Variants in NOL4 observed in about 807,000 individuals in gnomAD.
The protein encoded by NOL4 is nucleolar protein 4.
A neutral mutation model predicts 75.9 loss-of-function variants in NOL4; 17 were observed. The ratio of observed to expected loss-of-function variants is 0.22; its 90% CI spans 0.15 to 0.34. NOL4 has a LOEUF of 0.34. NOL4 is among the 10% of genes least tolerant of loss of function. The pLI is 1.00. For missense variants in NOL4, 614 were observed against 793.5 expected (o/e 0.77, Z 2.72); for synonymous variants, 292 against 289.9 (o/e 1.01, Z -0.07).
At chr18:34,078,458 C>T (rs866375851) in intron 5 of NOL4, among the ~76,000 whole-genome samples, 82 of 152,164 alleles carry the variant, frequency 5.4e-4, no homozygotes, top group African/African-American at 1.9e-3. Context: ...AAAATTACCT[C>T]CATAGGACAA....
chr18:33,926,368 A>C (rs974537846), intron 9 of NOL4, among the ~76,000 whole-genome samples: 3 of 150,458 alleles, frequency 2.0e-5, no homozygotes, highest in African/African-American at 7.3e-5. Flanking sequence ...CAAAAAAAAA[A>C]AAAAAAAAAA....
intron 8 of NOL4, among the ~76,000 whole-genome samples, chr18:33,954,433 T>A (rs1157750918): frequency 3.3e-5 from 5 of 152,094 alleles, no homozygotes; most frequent in African/African-American, 4.8e-5. Flanking sequence ...GTAATAGGTA[T>A]AATCTGTGAG....
intron 6 of NOL4, among the ~76,000 whole-genome samples, chr18:34,004,813 C>G (rs1363714641): frequency 1.3e-5 from 2 of 151,994 alleles, no homozygotes; most frequent in African/African-American, 2.4e-5. Flanking sequence ...CATCCCTATT[C>G]CTCCTCTCAA....
chr18:34,100,169 T>C (rs987051320), intron 4 of NOL4, among the ~76,000 whole-genome samples: 1 of 152,088 alleles, frequency 6.6e-6, no homozygotes, highest in Non-Finnish European at 1.5e-5. Context: ...GGCCAACTTT[T>C]CCAATTTTGT....
chr18:34,024,181 G>GAAAAAA (rs200128545), intron 5 of NOL4, among the ~76,000 whole-genome samples: 17 of 86,934 alleles, frequency 2.0e-4, no homozygotes, highest in African/African-American at 4.4e-4. Flanking sequence ...AAATAAACAG[G>GAAAAAA]AAAAAAAAAA....
intron 2 of NOL4, among the ~76,000 whole-genome samples, chr18:34,119,914 G>A (rs961492772): frequency 1.3e-5 from 2 of 152,040 alleles, no homozygotes; most frequent in African/African-American, 2.4e-5. Context: ...AAGCCACCGC[G>A]CCCGGCCTGA....
chr18:34,211,941 A>G (rs943840734), intron 1 of NOL4, among the ~76,000 whole-genome samples: 5 of 152,190 alleles, frequency 3.3e-5, no homozygotes, highest in African/African-American at 1.2e-4. Flanking sequence ...TAATATTTAA[A>G]TAAGTTAAAA....
At chr18:34,125,855 G>A (rs967644760) in intron 2 of NOL4, among the ~76,000 whole-genome samples, 4 of 151,758 alleles carry the variant, frequency 2.6e-5, no homozygotes, top group Middle Eastern at 3.2e-3. Flanking sequence ...AAACTCTCAC[G>A]AGTTTCATTT....
rs768328287 is a variant in NOL4, at chr18:33,926,654, C to A, written c.1542+16411G>T. Reference sequence around the variant, plus strand: ...TCTCGCTCTGTCACCAGGCTGGAGGCCAGTGGTGTGATCTCGGCTCACTGC... The same window carrying A: ...TCTCGCTCTGTCACCAGGCTGGAGGACAGTGGTGTGATCTCGGCTCACTGC... On this transcript the variant is annotated intron_variant, in intron 9 of 10. Coordinates refer to ENST00000261592, the MANE Select transcript of NOL4 (RefSeq NM_003787.5). Among the ~76,000 whole-genome samples the A allele has an allele frequency of 1.3e-5, 2 of 152,090 alleles. 1 individual carries two copies. The highest frequency in any genetic ancestry group is 2.9e-5 in the Non-Finnish European group (2 of 67,998).
rs2034197750 is a variant in NOL4 at position 34,183,351 on chromosome 18, A to G, written c.264+39639T>C. Among the ~76,000 whole-genome samples, 3 of 151,996 alleles carry G rather than the reference A, an allele frequency of 2.0e-5. No individual in the cohort carries two copies. The South Asian group carries it at 6.2e-4, about 31-fold the overall frequency. ...AATTAAAACTTCAAGATATCACTATACACTATTATAATGGAGGATTAAAAA... is the reference window on the plus strand; with the variant it reads ...AATTAAAACTTCAAGATATCACTATGCACTATTATAATGGAGGATTAAAAA... On this transcript the variant is annotated intron_variant, in intron 1 of 10. Coordinates refer to ENST00000261592, the MANE Select transcript of NOL4 (RefSeq NM_003787.5).
chr18:34,123,139 C>G (rs1295400750), intron 2 of NOL4, among the ~76,000 whole-genome samples: 3 of 144,968 alleles, frequency 2.1e-5, no homozygotes, highest in Non-Finnish European at 4.5e-5. Flanking sequence ...TTTTTTGTCT[C>G]CACTACCAAG....
At chr18:34,051,382 T>A (rs986378389) in intron 5 of NOL4, among the ~76,000 whole-genome samples, 1 of 152,138 alleles carries the variant, frequency 6.6e-6, no homozygotes, top group African/African-American at 2.4e-5. Flanking sequence ...TAAATAAATA[T>A]GTATTCAAGT....
rs913562376 is a variant in NOL4, at chr18:34,073,569, T to C, written c.772+19896A>G. Among the ~76,000 whole-genome samples the C allele has an allele frequency of 6.6e-5, 10 of 152,160 alleles. No individual in the cohort carries two copies. In the East Asian group the frequency reaches 1.7e-3, roughly 26 times the overall value. ...GGAATAATGACACAGAAAATGAGTC[T>C]GTACATGTTCAGTACAGAGACAACC... On this transcript the variant is annotated intron_variant, in intron 5 of 10. Coordinates refer to ENST00000261592, the MANE Select transcript of NOL4 (RefSeq NM_003787.5).
chr18:34,025,130 A>G (rs373236400), intron 5 of NOL4, among the ~76,000 whole-genome samples: 15 of 152,196 alleles, frequency 9.9e-5, no homozygotes, highest in East Asian at 7.7e-4. Flanking sequence ...AATTTCAGAA[A>G]AAGAAGCCAA....
chr18:33,851,837 C>A lies in NOL4; in HGVS notation c.*1005G>T, dbSNP rs2062643094. ...GGAGATGTAATGGTCTTTTTGGAAA[C>A]TATTTCTGAAAGAAATGAAAAGAAA... On this transcript the variant is annotated 3_prime_UTR_variant, in exon 11 of 11. Transcript: ENST00000261592. The A allele has an allele frequency of 6.6e-6, 1 of 152,442 alleles. No individual in the cohort carries two copies. Among genetic ancestry groups the A allele is most frequent in the Admixed American group, 6.6e-5 (1 of 15,236 alleles). 9.4% of individuals were successfully genotyped at this position (152,442 alleles called of 1,614,324 possible).
intron 5 of NOL4, among the ~76,000 whole-genome samples, chr18:34,026,790 T>C (rs187978692): frequency 9.8e-5 from 15 of 152,298 alleles, no homozygotes; most frequent in Admixed American, 6.5e-5. Context: ...TTAATTACCG[T>C]CAGTAACAGT....
At chr18:34,126,453 T>C (rs1467948615) in intron 2 of NOL4, among the ~76,000 whole-genome samples, 1 of 152,178 alleles carries the variant, frequency 6.6e-6, no homozygotes, top group African/African-American at 2.4e-5. Flanking sequence ...GAGTTGTATG[T>C]GTGTATGTGT....
chr18:34,007,514 T>C lies in NOL4; in HGVS notation c.1056+11804A>G, dbSNP rs182020556. 4.6e-5 allele frequency among the ~76,000 whole-genome samples: 7 copies of C among 152,142 alleles called. No individual in the cohort carries two copies. The East Asian group carries it at 1.4e-3, about 30-fold the overall frequency. ...TCAAGACAAGACTAGATACTGAATA[T>C]AGGAAAATAATTGCCAGGAGTGTTT... On this transcript the variant is annotated intron_variant, in intron 6 of 10. Coordinates refer to ENST00000261592, the MANE Select transcript of NOL4 (RefSeq NM_003787.5).
intron 1 of NOL4, among the ~76,000 whole-genome samples, chr18:34,214,506 T>G (rs2036741790): frequency 1.3e-5 from 2 of 152,194 alleles, no homozygotes; most frequent in African/African-American, 4.8e-5. Flanking sequence ...TTCACCTTAA[T>G]GTAAACCATA....
Sources: gnomAD v4.1 joint callset for allele counts (sites outside exome capture counted in the v4.1 genomes callset) on GRCh38, gnomAD v4.1.1 for gene constraint, MANE v1.5 for transcripts, NCBI Gene and HGNC (gene_info 2026-07-23, HGNC 2026-07-21) for gene names.